SLC22A23: variants seen among roughly 807,000 people sequenced by gnomAD.
SLC22A23 encodes ion transporter protein.
Under a neutral mutation model 61.0 loss-of-function variants are expected in SLC22A23, and 26 were observed. The observed-to-expected ratio is 0.43, with a 90% CI of 0.31 to 0.59. SLC22A23 has a LOEUF of 0.59. Ranked by LOEUF, SLC22A23 falls within the 20% of genes least tolerant of loss-of-function variation. SLC22A23 has a pLI of 0.11. For synonymous variants in SLC22A23, 430 were observed against 413.9 expected, an observed-to-expected ratio of 1.04 and a Z score of -0.47; for missense variants, 796 against 934.7, an observed-to-expected ratio of 0.85 and a Z score of 1.94.
intron 2 of SLC22A23, among the ~76,000 whole-genome samples, chr6:3,411,156 T>C (rs1462403904): frequency 6.6e-6 from 1 of 152,206 alleles, no homozygotes; most frequent in Non-Finnish European, 1.5e-5. Context: ...AAGTCACCAG[T>C]TCCTGTGGCC....
intron 1 of SLC22A23, among the ~76,000 whole-genome samples, chr6:3,435,231 G>A (rs531135767): frequency 6.4e-4 from 98 of 152,082 alleles, no homozygotes; most frequent in Non-Finnish European, 1.3e-3. Context: ...ATTCAGCCAC[G>A]GCATCTGTAA....
chr6:3,335,886 G>A (rs78817514), intron 3 of SLC22A23, among the ~76,000 whole-genome samples: 4,142 of 152,190 alleles, frequency 0.027, 212 homozygotes, highest in African/African-American at 0.095. Context: ...TTAGGAGATC[G>A]AGGCCATCCT....
intron 3 of SLC22A23, among the ~76,000 whole-genome samples, chr6:3,398,107 C>G (rs935477850): frequency 6.6e-6 from 1 of 152,152 alleles, no homozygotes; most frequent in African/African-American, 2.4e-5. Flanking sequence ...ACCCTGGGAG[C>G]CTTGCACACT....
intron 5 of SLC22A23, among the ~76,000 whole-genome samples, chr6:3,294,066 C>T (rs1337522843): frequency 1.3e-5 from 2 of 152,188 alleles, no homozygotes; most frequent in Non-Finnish European, 2.9e-5. Flanking sequence ...TGCCGTCCTT[C>T]CCCTGGGGCT....
chr6:3,443,142 G>A (rs1771703925), intron 1 of SLC22A23, among the ~76,000 whole-genome samples: 1 of 152,204 alleles, frequency 6.6e-6, no homozygotes, highest in African/African-American at 2.4e-5. Context: ...ATGGAGGAGA[G>A]GCAGAGAAGT....
chr6:3,341,039 AAGTC>A lies in SLC22A23; in HGVS notation c.914-17041_914-17038del, dbSNP rs1764124346. Among the ~76,000 whole-genome samples, 3 of 152,312 alleles carry A rather than the reference AAGTC, an allele frequency of 2.0e-5. No homozygotes were observed. In the South Asian group the frequency reaches 6.2e-4, roughly 32 times the overall value. On this transcript the variant is annotated intron_variant, in intron 3 of 9. Transcript: ENST00000406686. Reference sequence around the variant, plus strand: ...ACAGGGTTGAAGGTGGCCTGCTGTGAAGTCAGGGGTCACATGGCTCCTGTGAGCT... The same window carrying A: ...ACAGGGTTGAAGGTGGCCTGCTGTGAAGGGGTCACATGGCTCCTGTGAGCT...
intron 6 of SLC22A23, among the ~76,000 whole-genome samples, chr6:3,288,514 G>C (rs894911084): frequency 6.6e-6 from 1 of 152,196 alleles, no homozygotes; most frequent in African/African-American, 2.4e-5. Flanking sequence ...CTGGCCTGCT[G>C]AGATAGCAGG....
intron 4 of SLC22A23, among the ~76,000 whole-genome samples, chr6:3,305,055 G>C (rs1435436681): frequency 6.6e-6 from 1 of 152,114 alleles, no homozygotes; most frequent in Non-Finnish European, 1.5e-5. Flanking sequence ...CATCTCCACT[G>C]GGGGGTAGCA....
At chr6:3,273,504 A>AGGGGCCCTG in intron 9 of SLC22A23, 92 bp from the exon 10 acceptor site, 1 of 1,411,492 alleles carries the variant, frequency 7.1e-7, no homozygotes, top group South Asian at 1.2e-5. Context: ...CCACCTCTGC[A>AGGGGCCCTG]GGGGCCCTGC....
intron 3 of SLC22A23, among the ~76,000 whole-genome samples, chr6:3,392,386 G>A (rs891311080): frequency 6.6e-6 from 1 of 152,206 alleles, no homozygotes; most frequent in African/African-American, 2.4e-5. Context: ...TGTTGTTCTG[G>A]TTTTAAGTGC....
intron 1 of SLC22A23, among the ~76,000 whole-genome samples, chr6:3,449,240 T>C (rs1322835520): frequency 2.0e-5 from 3 of 152,146 alleles, no homozygotes; most frequent in African/African-American, 4.8e-5. Flanking sequence ...AACATAGGAT[T>C]TCCCCCCAGT....
chr6:3,447,894 TCTC>T (rs1336290951), intron 1 of SLC22A23, among the ~76,000 whole-genome samples: 1 of 45,534 alleles, frequency 2.2e-5, no homozygotes, highest in African/African-American at 1.6e-4. Flanking sequence ...GGCCTCTCTC[TCTC>T]TTTTTTTTTT....
At chr6:3,279,509 C>CAATAAAAAAAAAAAAA (rs1759229724) in intron 9 of SLC22A23, among the ~76,000 whole-genome samples, 1 of 36,016 alleles carries the variant, frequency 2.8e-5, no homozygotes, top group Non-Finnish European at 5.7e-5. Context: ...GGCTCCGTCT[C>CAATAAAAAAAAAAAAA]AAAAAAAAAA....
At chr6:3,373,586 C>T (rs533328352) in intron 3 of SLC22A23, among the ~76,000 whole-genome samples, 1 of 150,848 alleles carries the variant, frequency 6.6e-6, no homozygotes, top group African/African-American at 2.4e-5. Context: ...TCTGACTATA[C>T]CCACCCTAAA....
intron 1 of SLC22A23, among the ~76,000 whole-genome samples, chr6:3,424,016 C>A (rs1770315276): frequency 6.6e-6 from 1 of 152,196 alleles, no homozygotes; most frequent in Non-Finnish European, 1.5e-5. Flanking sequence ...CTTCCCACAG[C>A]CGCAGGCTAT....
chr6:3,356,533 C>G (rs1276329102), intron 3 of SLC22A23, among the ~76,000 whole-genome samples: 5 of 152,192 alleles, frequency 3.3e-5, no homozygotes, highest in African/African-American at 1.2e-4. Context: ...CTCCCGCTGG[C>G]TGCTTCATTG....
chr6:3,274,561 T>A (rs946306445), intron 9 of SLC22A23, among the ~76,000 whole-genome samples: 2 of 152,188 alleles, frequency 1.3e-5, no homozygotes, highest in African/African-American at 4.8e-5. Context: ...CTGCAACAGG[T>A]AGGAGGCAGG....
chr6:3,456,636 G>A lies in SLC22A23; in HGVS notation c.-77C>T. ...GCGGGCGCCCCGGGCACAGCGCGCC[G>A]GGCCAGGCGCCTGCAGCCGCTGCCG... On this transcript the variant is annotated 5_prime_UTR_variant, in exon 1 of 10. Transcript: ENST00000406686. This position sits in a 1 kb window ranked among gnomAD's most constrained non-coding sequence, Gnocchi z 7.1. The A allele has an allele frequency of 4.4e-6, 4 of 917,882 alleles. No homozygotes were observed. The highest frequency in any genetic ancestry group is 3.9e-6 in the Non-Finnish European group (3 of 771,196). 56.9% of individuals were successfully genotyped at this position (917,882 alleles called of 1,614,324 possible).
chr6:3,355,882 TATTAAAAAAAGAAGGAAG>T (rs1765043127), intron 3 of SLC22A23, among the ~76,000 whole-genome samples: 1 of 148,976 alleles, frequency 6.7e-6, no homozygotes, highest in Non-Finnish European at 1.5e-5. Context: ...AACGCTGAGG[TATTAAAAAAAGAAGGAAG>T]TTCAGAAAAA....
Sources: gnomAD v4.1 joint callset for allele counts (sites outside exome capture counted in the v4.1 genomes callset) on GRCh38, gnomAD v4.1.1 for gene constraint, Gnocchi (gnomAD v3.1) non-coding constraint, MANE v1.5 for transcripts, NCBI Gene and HGNC (gene_info 2026-07-23, HGNC 2026-07-21) for gene names.